TBCK: variants seen among roughly 807,000 people sequenced by gnomAD.
The protein encoded by TBCK is TBC domain-containing protein kinase-like protein.
In TBCK, 99 loss-of-function variants were observed where a neutral mutation model predicts 113.4. The ratio of observed to expected loss-of-function variants is 0.87; its 90% CI spans 0.74 to 1.03. TBCK has a LOEUF of 1.03. Ranked by LOEUF, TBCK falls within the 50% of genes least tolerant of loss-of-function variation. The pLI is 0.00. For missense variants in TBCK, 1,045 were observed against 1,061.3 expected (o/e 0.98, Z 0.21); for synonymous variants, 369 against 370.8 (o/e 1.00, Z 0.05).
chr4:106,097,479 A>G (rs1475950132), intron 24 of TBCK, among the ~76,000 whole-genome samples: 2 of 152,174 alleles, frequency 1.3e-5, no homozygotes, highest in Non-Finnish European at 2.9e-5. Flanking sequence ...CATTACTGGA[A>G]AACAGCAGAG....
At chr4:106,127,662 T>C (rs2149608067) in intron 23 of TBCK, among the ~76,000 whole-genome samples, 1 of 152,288 alleles carries the variant, frequency 6.6e-6, no homozygotes, top group Non-Finnish European at 1.5e-5. Flanking sequence ...CATGTGTGTG[T>C]GTGCATGTTT....
In TBCK at chr4:106,217,950, G is replaced by A. The variant is rs1378615300; in HGVS notation, c.1775-5115C>T. 2.0e-4 allele frequency among the ~76,000 whole-genome samples: 29 copies of A among 144,124 alleles called. No homozygotes were observed. In the Middle Eastern group the frequency reaches 0.014, roughly 69 times the overall value. 94.6% of individuals were successfully genotyped at this position (144,124 alleles called of 152,430 possible). A position where few individuals can be genotyped will look rare whatever the true frequency, so the allele number is the denominator to read the frequency against. On this transcript the variant is annotated intron_variant, in intron 19 of 25. Transcript: ENST00000394708. Reference sequence around the variant, plus strand: ...AAAAGAACAAAGCTGGAGGCATCACGCTACCTGACTTCAAACTATACTACA... The same window carrying A: ...AAAAGAACAAAGCTGGAGGCATCACACTACCTGACTTCAAACTATACTACA...
intron 15 of TBCK, among the ~76,000 whole-genome samples, chr4:106,234,116 C>T (rs796758641): frequency 2.6e-5 from 4 of 152,010 alleles, no homozygotes; most frequent in African/African-American, 9.6e-5. Context: ...TAGGACCAAG[C>T]ATGAAAAAAA....
intron 20 of TBCK, among the ~76,000 whole-genome samples, chr4:106,207,301 A>T (rs746301664): frequency 6.6e-5 from 10 of 152,214 alleles, no homozygotes; most frequent in Non-Finnish European, 1.3e-4. Flanking sequence ...GCCAGAAATC[A>T]CAATCTCTAC....
chr4:106,126,880 A>G (rs1280675954), intron 23 of TBCK, among the ~76,000 whole-genome samples: 1 of 152,208 alleles, frequency 6.6e-6, no homozygotes, highest in Non-Finnish European at 1.5e-5. Context: ...GACAGTTGCT[A>G]CCATTTAAAG....
intron 22 of TBCK, among the ~76,000 whole-genome samples, chr4:106,187,579 A>G (rs2149796046): frequency 6.6e-6 from 1 of 151,850 alleles, no homozygotes; most frequent in South Asian, 2.1e-4. Flanking sequence ...ACCACGCCCA[A>G]CTAATTTTGT....
At chr4:106,279,987 T>C (rs1327648524) in intron 3 of TBCK, among the ~76,000 whole-genome samples, 2 of 152,190 alleles carry the variant, frequency 1.3e-5, no homozygotes, top group Non-Finnish European at 2.9e-5. Flanking sequence ...GCCTTATTTT[T>C]AGTTTTGTTG....
At chr4:106,239,000 G>A (rs528571280) in intron 12 of TBCK, among the ~76,000 whole-genome samples, 56 of 152,184 alleles carry the variant, frequency 3.7e-4, no homozygotes, top group Admixed American at 1.4e-3. Flanking sequence ...GTGAAGATCT[G>A]AGAAAAATAC....
At chr4:106,169,967 G>C (rs1032769225) in intron 23 of TBCK, among the ~76,000 whole-genome samples, 3 of 152,032 alleles carry the variant, frequency 2.0e-5, no homozygotes, top group Non-Finnish European at 4.4e-5. Flanking sequence ...CGCTCAGGTG[G>C]TAATGCAAGT....
chr4:106,188,134 A>C (rs896473685), intron 22 of TBCK, among the ~76,000 whole-genome samples: 1 of 152,098 alleles, frequency 6.6e-6, no homozygotes, highest in Admixed American at 6.6e-5. Flanking sequence ...TTAAATTCTC[A>C]AGGGGAATAT....
intron 19 of TBCK, among the ~76,000 whole-genome samples, chr4:106,229,013 T>C (rs1758549913): frequency 6.6e-6 from 1 of 152,124 alleles, no homozygotes; most frequent in Non-Finnish European, 1.5e-5. Context: ...GAGCACCTTT[T>C]CAGAAGCCTG....
intron 22 of TBCK, among the ~76,000 whole-genome samples, chr4:106,189,423 T>G (rs1471902624): frequency 6.6e-6 from 1 of 151,902 alleles, no homozygotes; most frequent in African/African-American, 2.4e-5. Flanking sequence ...TGGGAATAAT[T>G]AATTCTCAGC....
intron 17 of TBCK, among the ~76,000 whole-genome samples, chr4:106,232,098 C>A (rs1000587373): frequency 6.6e-6 from 1 of 151,658 alleles, no homozygotes; most frequent in Non-Finnish European, 1.5e-5. Flanking sequence ...ACAATCTTGG[C>A]AATTACTTAA....
chr4:106,294,316 G>C (rs1483791537), intron 3 of TBCK, among the ~76,000 whole-genome samples: 1 of 151,616 alleles, frequency 6.6e-6, no homozygotes, highest in Non-Finnish European at 1.5e-5. Flanking sequence ...CAGCATCCTG[G>C]GTAGCTGGGA....
chr4:106,296,572 G>C (rs943108987), intron 2 of TBCK, among the ~76,000 whole-genome samples: 2 of 152,084 alleles, frequency 1.3e-5, no homozygotes, highest in Non-Finnish European at 2.9e-5. Flanking sequence ...ATTGTGTTCA[G>C]GCAGACATGT....
intron 2 of TBCK, among the ~76,000 whole-genome samples, chr4:106,295,842 C>T (rs993223373): frequency 6.6e-6 from 1 of 152,068 alleles, no homozygotes; most frequent in Non-Finnish European, 1.5e-5. Flanking sequence ...TCATGACATA[C>T]CTTTTTTTCT....
At chr4:106,130,631 A>C (rs1362976192) in intron 23 of TBCK, among the ~76,000 whole-genome samples, 10 of 130,026 alleles carry the variant, frequency 7.7e-5, no homozygotes, top group Admixed American at 5.2e-4. Context: ...CACACACACC[A>C]CACAGAAACT....
At chr4:106,247,634 A>G (rs1328656519) in intron 9 of TBCK, 1 of 169,730 alleles carries the variant, frequency 5.9e-6, no homozygotes, top group Non-Finnish European at 1.2e-5. Flanking sequence ...TTATAATAAT[A>G]CCATTTGGCT....
At chr4:106,124,279 T>C (rs1199992898) in intron 23 of TBCK, among the ~76,000 whole-genome samples, 1 of 152,108 alleles carries the variant, frequency 6.6e-6, no homozygotes, top group African/African-American at 2.4e-5. Flanking sequence ...ATCAGAGAAA[T>C]GCAAATCAAA....
Sources: allele counts gnomAD v4.1 joint callset (sites outside exome capture counted in the v4.1 genomes callset), GRCh38; gene constraint gnomAD v4.1.1; transcripts MANE v1.5; gene names NCBI Gene and HGNC (gene_info 2026-07-23, HGNC 2026-07-21).